The following SNED1 variants were observed in gnomAD, a reference collection of about 807,000 sequenced individuals.
SNED1 encodes the protein sushi, nidogen and EGF-like domain-containing protein 1.
Under a neutral mutation model 166.7 loss-of-function variants are expected in SNED1, and 81 were observed. That is an observed-to-expected ratio of 0.49 (90% CI 0.41 to 0.58). The LOEUF is 0.58. Ranked by LOEUF, SNED1 falls within the 20% of genes least tolerant of loss-of-function variation. SNED1 has a pLI of 0.00. For missense variants in SNED1, 1,604 were observed against 2,000.2 expected, an observed-to-expected ratio of 0.80 and a Z score of 3.78; for synonymous variants, 762 against 822.0, an observed-to-expected ratio of 0.93 and a Z score of 1.25.
intron 12 of SNED1, among the ~76,000 whole-genome samples, chr2:241,050,352 T>A (rs1356719619): frequency 6.6e-6 from 1 of 152,134 alleles, no homozygotes; most frequent in Non-Finnish European, 1.5e-5. Flanking sequence ...GGCGTAGCTA[T>A]CCCCGCCAGG....
At chr2:241,079,597 CTGAA>C (rs1187544716) in intron 27 of SNED1, among the ~76,000 whole-genome samples, 1 of 151,986 alleles carries the variant, frequency 6.6e-6, no homozygotes, top group African/African-American at 2.4e-5. Flanking sequence ...CGAGGCTTCT[CTGAA>C]TGAACCTTGT....
chr2:241,033,466 G>A, intron 2 of SNED1: 1 of 419,780 alleles, frequency 2.4e-6, no homozygotes, highest in Non-Finnish European at 4.3e-6. Context: ...GCTCCCATCT[G>A]TGGGCCCCGC....
In SNED1 at chr2:241,052,357, C is replaced by T. The variant is rs951428650; in HGVS notation, c.1972C>T (p.Pro658Ser). 30 of 1,572,568 alleles carry T rather than the reference C, an allele frequency of 1.9e-5. No individual in the cohort carries two copies. In the Admixed American group the frequency reaches 3.0e-4, roughly 16 times the overall value. ...AGGACCTTCCTGCATTCTGGCAGCC[C>T]CCTCCCCCTGCTTCCGGAGCCCGTG... ...GFSGRHCEIAPSPCFRSPCVN... is the reference protein window; with the variant it reads ...GFSGRHCEIASSPCFRSPCVN... Residue 658 changes from proline (P) to serine (S), a missense_variant and splice_region_variant, in exon 15 of 32, where the codon CCC (proline) becomes TCC (serine). Physicochemically the swap from Pro to Ser is moderately conservative, Grantham distance 74. Coordinates refer to ENST00000310397, the MANE Select transcript of SNED1 (RefSeq NM_001080437.3).
chr2:241,037,573 C>G (rs1321696607), intron 6 of SNED1, among the ~76,000 whole-genome samples: 3 of 152,194 alleles, frequency 2.0e-5, no homozygotes, highest in Non-Finnish European at 4.4e-5. Context: ...CACAGGCTTC[C>G]TAGACCATGG....
At chr2:241,001,370 C>A (rs2106523449) in intron 1 of SNED1, among the ~76,000 whole-genome samples, 1 of 152,386 alleles carries the variant, frequency 6.6e-6, no homozygotes, top group East Asian at 1.9e-4. Flanking sequence ...ACTGCCCTAG[C>A]AAGACAGCTC....
At position 241,081,669 on chromosome 2, in the gene SNED1, G is replaced by C. The variant is rs745608493; in HGVS notation, c.3917-8G>C. On this transcript the variant is annotated splice_polypyrimidine_tract_variant and splice_region_variant and intron_variant, in intron 27 of 31. Coordinates refer to ENST00000310397, the MANE Select transcript of SNED1 (RefSeq NM_001080437.3). ...CAGTGACTAACCTCTCGTGACCTCT[G>C]TTTCCAGACGTCCCTGGCAACTGTT... 1.9e-6 allele frequency: 3 copies of C among 1,587,078 alleles called. No individual in the cohort carries two copies. Among genetic ancestry groups the C allele is most frequent in the Non-Finnish European group, 2.6e-6 (3 of 1,165,780 alleles).
chr2:241,000,078 C>T (rs986792109), intron 1 of SNED1, among the ~76,000 whole-genome samples: 9 of 152,116 alleles, frequency 5.9e-5, no homozygotes, highest in African/African-American at 2.2e-4. Context: ...CCAACTCCTC[C>T]GTCAACACCA....
chr2:241,072,372 TG>T, intron 26 of SNED1: 1 of 371,368 alleles, frequency 2.7e-6, no homozygotes, highest in Non-Finnish European at 5.3e-6. Context: ...GTTTACTGGG[TG>T]AGTGCCGCTC....
intron 8 of SNED1, among the ~76,000 whole-genome samples, chr2:241,047,298 A>T (rs995542913): frequency 6.6e-6 from 1 of 152,180 alleles, no homozygotes; most frequent in Non-Finnish European, 1.5e-5. Context: ...GGGTCAATTC[A>T]TCCAGAAGAC....
intron 24 of SNED1, 87 bp downstream of exon 24, chr2:241,070,288 C>G (rs1055660998): frequency 2.5e-5 from 35 of 1,373,174 alleles, no homozygotes; most frequent in Non-Finnish European, 3.4e-5. Context: ...CTGCAGGGGC[C>G]TGGGATGCCA....
intron 1 of SNED1, among the ~76,000 whole-genome samples, chr2:241,002,910 G>A (rs1046221730): frequency 1.3e-4 from 19 of 151,518 alleles, no homozygotes; most frequent in Admixed American, 5.3e-4. Flanking sequence ...CAGCAGCTCC[G>A]CCTGCCTCTC....
rs2062964435 is a variant in SNED1, at chr2:241,075,217, G to A, written c.3916+1853G>A. ...GTGCTGCAGTGGATGTTCCTGTACAGGTTTTCCAGTACGTGTGCGGGAGTG... is the reference window on the plus strand; with the variant it reads ...GTGCTGCAGTGGATGTTCCTGTACAAGTTTTCCAGTACGTGTGCGGGAGTG... On this transcript the variant is annotated intron_variant, in intron 27 of 31. Transcript: ENST00000310397. This position sits in a 1 kb window ranked among gnomAD's most constrained non-coding sequence, Gnocchi z 4.8. The A allele has an allele frequency of 1.3e-5, 2 of 152,292 alleles. No individual in the cohort carries two copies. Among genetic ancestry groups the A allele is most frequent in the Non-Finnish European group, 2.9e-5 (2 of 68,024 alleles). The allele number at this position is 152,292 out of a possible 1,614,324, so 9.4% of individuals were successfully genotyped here. A position where few individuals can be genotyped will look rare whatever the true frequency, so the allele number is the denominator to read the frequency against.
chr2:241,042,240 T>G (rs775862166), intron 8 of SNED1, among the ~76,000 whole-genome samples: 6 of 152,080 alleles, frequency 3.9e-5, no homozygotes, highest in Non-Finnish European at 7.4e-5. Context: ...AAAGAACCAC[T>G]AGAAAGCAGT....
At position 241,025,785 on chromosome 2, in the gene SNED1, A is replaced by G. The variant is rs537654010; in HGVS notation, c.214-4499A>G. Among the ~76,000 whole-genome samples the G allele has an allele frequency of 2.2e-4, 33 of 152,276 alleles. 2 individuals are homozygous for G. Among genetic ancestry groups the G allele is most frequent in the African/African-American group, 7.5e-4 (31 of 41,552 alleles). ...TGTTTTCTTTTAGCACGTTGAAAAT[A>G]TGATTCCACTGTTTTCTGGCTTTCA... On this transcript the variant is annotated intron_variant, in intron 1 of 31. Transcript: ENST00000310397.
rs1315190914 is a variant in SNED1, at chr2:241,049,798, C to T, written c.1619-19C>T. 1 of 1,597,486 alleles carries T rather than the reference C, an allele frequency of 6.3e-7. No individual in the cohort carries two copies. Among genetic ancestry groups the T allele is most frequent in the Non-Finnish European group, 8.6e-7 (1 of 1,165,514 alleles). The stretch of plus-strand genomic sequence containing the variant: ...ATGCGGCGTAAGCTCCAGGACCACC[C>T]TCTGTCCCCCGCCCCCAGCCCTGCC... On this transcript the variant is annotated intron_variant, in intron 11 of 31. Coordinates refer to ENST00000310397, the MANE Select transcript of SNED1 (RefSeq NM_001080437.3).
rs545274330 is a variant in SNED1 at position 241,006,523 on chromosome 2, C to T, written c.213+7473C>T. On this transcript the variant is annotated intron_variant, in intron 1 of 31. Transcript: ENST00000310397. ...AATAGATTGAGAATGGTATGCGCTT[C>T]TCTTGAAGATACGAGTTGCAGATAT... Among the ~76,000 whole-genome samples, 21 of 152,298 alleles carry T rather than the reference C, an allele frequency of 1.4e-4. 2 individuals are homozygous for T. The highest frequency in any genetic ancestry group is 5.1e-4 in the African/African-American group (21 of 41,568).
rs748259921 is a variant in SNED1, at chr2:241,073,276, C to T, written c.3828C>T (p.Ala1276=). The change falls in exon 27 of 32, where the codon GCC becomes GCT. Residue 1276 remains alanine (A), a synonymous_variant. Coordinates refer to ENST00000310397, the MANE Select transcript of SNED1 (RefSeq NM_001080437.3). This position sits in a 1 kb window ranked among gnomAD's most constrained non-coding sequence, Gnocchi z 6.6. The part of the protein sequence containing the change: ...KAATVRSQPT[A]SAQLENMEEA... ...CCTGGCTTCTCCTAGAACCCACAGC[C>T]TCGGCGCAGCTCGAGAACATGGAGG... 12 of 1,558,254 alleles carry T rather than the reference C, an allele frequency of 7.7e-6. No homozygotes were observed. In the Admixed American group the frequency reaches 2.1e-4, roughly 28 times the overall value.
chr2:241,094,263 A>G lies in SNED1; in HGVS notation c.*2627A>G. ...AACCCAACAGGCAAGGGCCCCACTC[A>G]GGTATCAGCTCACCTCCTGCACCTC... is the stretch of plus-strand genomic sequence containing the variant. On this transcript the variant is annotated 3_prime_UTR_variant, in exon 32 of 32. Transcript: ENST00000310397. The surrounding 1 kb of genome is among the most constrained non-coding windows in gnomAD (Gnocchi z 4.3). 2 of 468,032 alleles carry G rather than the reference A, an allele frequency of 4.3e-6. No homozygotes were observed. Among genetic ancestry groups the G allele is most frequent in the South Asian group, 3.1e-5 (2 of 64,344 alleles). 29.0% of individuals were successfully genotyped at this position (468,032 alleles called of 1,614,324 possible).
At chr2:241,037,001 G>GCCCAGGGT in intron 5 of SNED1, 86 bp downstream of exon 5, 1 of 1,485,142 alleles carries the variant, frequency 6.7e-7, no homozygotes, top group Non-Finnish European at 9.1e-7. Flanking sequence ...GGCCCTGGGC[G>GCCCAGGGT]CCCAGGGTCC....
Sources: gnomAD v4.1 joint callset for allele counts (sites outside exome capture counted in the v4.1 genomes callset) on GRCh38, gnomAD v4.1.1 for gene constraint, Gnocchi (gnomAD v3.1) non-coding constraint, MANE v1.5 for transcripts, NCBI Gene and HGNC (gene_info 2026-07-23, HGNC 2026-07-21) for gene names.